Variants in TANGO6 observed in about 807,000 individuals in gnomAD.
TANGO6 encodes transport and golgi organization 6 homolog.
Under a neutral mutation model 114.2 loss-of-function variants are expected in TANGO6, and 90 were observed. The ratio of observed to expected loss-of-function variants is 0.79; its 90% CI spans 0.66 to 0.94. TANGO6 has a LOEUF of 0.94. Ranked by LOEUF, TANGO6 falls within the 40% of genes least tolerant of loss-of-function variation. The probability of loss-of-function intolerance (pLI) is 0.00; values close to 1 mark genes in which losing one functional copy is unlikely to be tolerated. For synonymous variants in TANGO6, 477 were observed against 509.8 expected, an observed-to-expected ratio of 0.94 and a Z score of 0.87; for missense variants, 1,274 against 1,315.3, an observed-to-expected ratio of 0.97 and a Z score of 0.49.
chr16:69,081,832 CTT>C (rs1346630417), intron 17 of TANGO6, among the ~76,000 whole-genome samples: 10 of 138,740 alleles, frequency 7.2e-5, no homozygotes, highest in Admixed American at 2.2e-4. Context: ...TAGTAGCAGA[CTT>C]TTTTTTTTTT....
At chr16:68,845,482 T>A (rs1409179231) in intron 1 of TANGO6, among the ~76,000 whole-genome samples, 1 of 152,208 alleles carries the variant, frequency 6.6e-6, no homozygotes, top group African/African-American at 2.4e-5. Context: ...ATTATATTAT[T>A]TTGTACATGT....
At chr16:68,878,801 G>T (rs1297837164) in intron 6 of TANGO6, among the ~76,000 whole-genome samples, 1 of 151,994 alleles carries the variant, frequency 6.6e-6, no homozygotes, top group Non-Finnish European at 1.5e-5. Flanking sequence ...GGCTGGGCGT[G>T]GTGGCTCATG....
intron 15 of TANGO6, 62 bp from the exon 16 acceptor site, chr16:69,022,766 T>C: frequency 6.7e-7 from 1 of 1,499,254 alleles, no homozygotes; most frequent in African/African-American, 1.4e-5. Context: ...ATATAATTCT[T>C]CCTTTTTTAA....
At chr16:68,872,522 G>C (rs2152165541) in intron 4 of TANGO6, among the ~76,000 whole-genome samples, 1 of 151,562 alleles carries the variant, frequency 6.6e-6, no homozygotes, top group African/African-American at 2.4e-5. Context: ...GGCTGGTCTT[G>C]AACTCCTGAC....
At chr16:68,894,346 G>A (rs932048569) in intron 7 of TANGO6, among the ~76,000 whole-genome samples, 13 of 152,150 alleles carry the variant, frequency 8.5e-5, no homozygotes, top group Admixed American at 3.3e-4. Context: ...ACTTTAACCT[G>A]CATAGGAGTT....
Position 68,878,138 on chromosome 16 carries a change from T to C in TANGO6, c.1152T>C (p.Phe384=). 9 of 1,610,718 alleles carry C rather than the reference T, an allele frequency of 5.6e-6. No individual in the cohort carries two copies. Among genetic ancestry groups the C allele is most frequent in the Non-Finnish European group, 7.6e-6 (9 of 1,178,822 alleles). The part of the protein sequence containing the change: ...ICPQVLDLFH[F]QDKLTARQFQ... Reference sequence around the variant, plus strand: ...TGTAGGTTCTGGATTTATTTCACTTTCAAGATAAATTGACAGCACGACAAT... The same window carrying C: ...TGTAGGTTCTGGATTTATTTCACTTCCAAGATAAATTGACAGCACGACAAT... Residue 384 remains phenylalanine, a synonymous_variant, in exon 6 of 18, where the codon TTT becomes TTC. Coordinates refer to ENST00000261778, the MANE Select transcript of TANGO6 (RefSeq NM_024562.2).
At position 69,084,223 on chromosome 16, in the gene TANGO6, C is replaced by G. The variant is rs1960506677; in HGVS notation, c.*562C>G. On this transcript the variant is annotated 3_prime_UTR_variant, in exon 18 of 18. Transcript: ENST00000261778. ...GTTATCTTGGATGGAAAGAACAGGGCTAAATCTGGTCCTCTGGTGTCGAGA... is the reference window on the plus strand; with the variant it reads ...GTTATCTTGGATGGAAAGAACAGGGGTAAATCTGGTCCTCTGGTGTCGAGA... 1 of 152,446 alleles carries G rather than the reference C, an allele frequency of 6.6e-6. No individual in the cohort carries two copies. The highest frequency in any genetic ancestry group is 2.1e-4 in the South Asian group (1 of 4,828). The allele number at this position is 152,446 out of a possible 1,614,324, so 9.4% of individuals were successfully genotyped here. A position where few individuals can be genotyped will look rare whatever the true frequency, so the allele number is the denominator to read the frequency against.
intron 14 of TANGO6, among the ~76,000 whole-genome samples, chr16:68,944,436 T>C (rs1418093025): frequency 6.6e-6 from 1 of 152,020 alleles, no homozygotes; most frequent in African/African-American, 2.4e-5. Context: ...AGGAAAAATA[T>C]CTCTTCACTC....
At chr16:69,040,607 C>G (rs1959758008) in intron 17 of TANGO6, among the ~76,000 whole-genome samples, 186 bp downstream of exon 17, 1 of 152,024 alleles carries the variant, frequency 6.6e-6, no homozygotes, top group South Asian at 2.1e-4. Context: ...TCTCTATTAC[C>G]TCAGTAACAT....
chr16:68,977,227 G>A (rs1963773198), intron 15 of TANGO6, among the ~76,000 whole-genome samples: 1 of 152,002 alleles, frequency 6.6e-6, no homozygotes, highest in Non-Finnish European at 1.5e-5. Context: ...TCTGGCTAAG[G>A]ATGATAGAAC....
intron 17 of TANGO6, among the ~76,000 whole-genome samples, chr16:69,049,046 C>A (rs1304777703): frequency 6.6e-6 from 1 of 152,142 alleles, no homozygotes; most frequent in African/African-American, 2.4e-5. Flanking sequence ...CCCCTCTTCC[C>A]CTTACCTTGT....
At chr16:69,020,146 A>G (rs368081750) in intron 15 of TANGO6, among the ~76,000 whole-genome samples, 5 of 152,308 alleles carry the variant, frequency 3.3e-5, no homozygotes, top group Admixed American at 1.3e-4. Context: ...TCCCAGCACC[A>G]TTACTGAATA....
chr16:68,979,706 T>G (rs1963804109), intron 15 of TANGO6, among the ~76,000 whole-genome samples: 2 of 152,198 alleles, frequency 1.3e-5, no homozygotes, highest in Admixed American at 1.3e-4. Flanking sequence ...TTATTTCCAT[T>G]TATTCAATTG....
chr16:69,043,969 G>T (rs945423335), intron 17 of TANGO6, among the ~76,000 whole-genome samples: 2 of 152,164 alleles, frequency 1.3e-5, no homozygotes, highest in Admixed American at 6.6e-5. Context: ...AAACATCAAC[G>T]CCCCTAACTC....
chr16:68,953,872 T>C (rs1162017214), intron 14 of TANGO6, among the ~76,000 whole-genome samples: 3 of 152,028 alleles, frequency 2.0e-5, no homozygotes, highest in African/African-American at 7.2e-5. Context: ...TTAGGGACAT[T>C]TTCCCTGACA....
At chr16:68,846,669 T>TTA (rs1961811447) in intron 1 of TANGO6, 1 of 106,464 alleles carries the variant, frequency 9.4e-6, no homozygotes. Flanking sequence ...CTAATTTTCT[T>TTA]TTTTTTTTTT....
rs573748006 is a variant in TANGO6 at position 69,043,837 on chromosome 16, G to A, written c.3108+3416G>A. Among the ~76,000 whole-genome samples the A allele has an allele frequency of 6.6e-5, 10 of 152,292 alleles. No individual in the cohort carries two copies. The South Asian group carries it at 2.1e-3, about 32-fold the overall frequency. Reference sequence around the variant, plus strand: ...TCTCCCAAGCTATAGAGTGCCAAAAGATAATACCAGGTTTCAGTGAATTCT... The same window carrying A: ...TCTCCCAAGCTATAGAGTGCCAAAAAATAATACCAGGTTTCAGTGAATTCT... On this transcript the variant is annotated intron_variant, in intron 17 of 17. Coordinates refer to ENST00000261778, the MANE Select transcript of TANGO6 (RefSeq NM_024562.2).
At chr16:69,060,357 CT>C (rs2152239851) in intron 17 of TANGO6, among the ~76,000 whole-genome samples, 1 of 152,164 alleles carries the variant, frequency 6.6e-6, no homozygotes, top group Non-Finnish European at 1.5e-5. Context: ...GCACTTTGCC[CT>C]GTTTATGAGT....
At chr16:68,915,495 G>A (rs1382550689) in intron 11 of TANGO6, among the ~76,000 whole-genome samples, 1 of 152,104 alleles carries the variant, frequency 6.6e-6, no homozygotes, top group African/African-American at 2.4e-5. Context: ...TGAACTCCTG[G>A]CCTAAAGTGA....
Sources: gnomAD v4.1 joint callset for allele counts (sites outside exome capture counted in the v4.1 genomes callset) on GRCh38, gnomAD v4.1.1 for gene constraint, MANE v1.5 for transcripts, NCBI Gene and HGNC (gene_info 2026-07-23, HGNC 2026-07-21) for gene names.